Variants in PTPRF observed in about 807,000 individuals in gnomAD.
PTPRF encodes receptor-type tyrosine-protein phosphatase F.
PTPRF carries 59 observed loss-of-function variants against 201.8 expected under a neutral mutation model. The observed-to-expected ratio is 0.29, with a 90% confidence interval of 0.24 to 0.36. The LOEUF (loss-of-function observed/expected upper bound fraction) is 0.36. Ranked by LOEUF, PTPRF falls within the 10% of genes least tolerant of loss-of-function variation. The pLI, the probability that PTPRF is intolerant of heterozygous loss-of-function variation, is 1.00. For synonymous variants in PTPRF, 1,088 were observed against 1,089.7 expected (o/e 1.00, Z 0.03); for missense variants, 2,132 against 2,690.5 (o/e 0.79, Z 4.59).
In PTPRF at chr1:43,618,693, C is replaced by T; in HGVS notation, c.4435C>T (p.Leu1479=). The change falls in exon 26 of 34, where the codon CTG becomes TTG. Residue 1479 remains leucine (L), a synonymous_variant. Coordinates refer to ENST00000359947, the MANE Select transcript of PTPRF (RefSeq NM_002840.5). ...TETCGLIQVT[L]LDTVELATYT... ...GACCTGTGGCCTTATTCAGGTGACC[C>T]TGTTGGACACAGTGGAGCTGGCCAC... is the stretch of plus-strand genomic sequence containing the variant. 1.9e-6 allele frequency: 3 copies of T among 1,612,704 alleles called. No individual in the cohort carries two copies. Among genetic ancestry groups the T allele is most frequent in the Non-Finnish European group, 2.5e-6 (3 of 1,178,870 alleles).
rs1410741955 is a variant in PTPRF at position 43,591,065 on chromosome 1, C to A, written c.1043C>A (p.Thr348Asn). Residue 348 changes from threonine to asparagine, a missense_variant, in exon 9 of 34, where the codon ACC becomes AAC. Physicochemically the swap from Thr to Asn is moderately conservative, Grantham distance 65. Around this residue, in one of 6 missense-constraint regions of PTPRF, gnomAD observed 351 missense variants for 401.7 expected, o/e 0.87. Transcript: ENST00000359947. ...GACTCTGGGAACTCGGAGCCTGTAA[C>A]CTACTATGGCATCCAGTACCGCGCA... Reference protein sequence around the residue: ...TWDSGNSEPVTYYGIQYRAAG... With the variant: ...TWDSGNSEPVNYYGIQYRAAG... 5 of 1,614,024 alleles carry A rather than the reference C, an allele frequency of 3.1e-6. No homozygotes were observed. The highest frequency in any genetic ancestry group is 4.2e-6 in the Non-Finnish European group (5 of 1,180,048).
In PTPRF at chr1:43,530,923, T is replaced by TCGGCTCCGGCTCGGGCTCGGGCTC. The variant is rs1306938506; in HGVS notation, c.-280_-257dup. The TCGGCTCCGGCTCGGGCTCGGGCTC allele has an allele frequency of 2.0e-5, 3 of 152,620 alleles. No homozygotes were observed. Among genetic ancestry groups the TCGGCTCCGGCTCGGGCTCGGGCTC allele is most frequent in the Admixed American group, 6.6e-5 (1 of 15,076 alleles). The allele number at this position is 152,620 out of a possible 1,614,324, so 9.5% of individuals were successfully genotyped here. ...GGCGGCAGAGGCGGCGGCTCCAGCTTCGGCTCCGGCTCGGGCTCGGGCTCC... is the reference window on the plus strand; with the variant it reads ...GGCGGCAGAGGCGGCGGCTCCAGCTTCGGCTCCGGCTCGGGCTCGGGCTCCGGCTCCGGCTCGGGCTCGGGCTCC... On this transcript the variant is annotated 5_prime_UTR_variant, in exon 1 of 34. Transcript: ENST00000359947. The surrounding 1 kb of genome is among the most constrained non-coding windows in gnomAD (Gnocchi z 4.1).
chr1:43,560,404 A>G (rs1411052493), intron 5 of PTPRF, among the ~76,000 whole-genome samples: 3 of 150,076 alleles, frequency 2.0e-5, no homozygotes, highest in African/African-American at 7.4e-5. Flanking sequence ...ATGCATGTGC[A>G]TGTGTGTGGA....
At chr1:43,592,855 A>G (rs1651196576) in intron 11 of PTPRF, among the ~76,000 whole-genome samples, 1 of 151,156 alleles carries the variant, frequency 6.6e-6, no homozygotes, top group Non-Finnish European at 1.5e-5. Context: ...CCCATGCCCC[A>G]CACACTGCCC....
chr1:43,593,449 G>A (rs1162131795), intron 11 of PTPRF, among the ~76,000 whole-genome samples: 1 of 152,304 alleles, frequency 6.6e-6, no homozygotes, highest in East Asian at 1.9e-4. Context: ...TTGCTGCTGG[G>A]CGTCCTGTGT....
At chr1:43,578,701 C>A in intron 6 of PTPRF, 109 bp from the exon 7 acceptor site, 1 of 816,164 alleles carries the variant, frequency 1.2e-6, no homozygotes, top group Non-Finnish European at 2.0e-6. Flanking sequence ...CCTGGATGAG[C>A]TTCGACATCT....
chr1:43,553,205 G>T lies in PTPRF; in HGVS notation c.92-287G>T, dbSNP rs116220355. On this transcript the variant is annotated intron_variant, in intron 3 of 33. Transcript: ENST00000359947. This position sits in a 1 kb window ranked among gnomAD's most constrained non-coding sequence, Gnocchi z 4.1. ...TCCAGACTTGGAACACCTGGGTTCAGATCTTAGCTCTACCACTTACCAGCT... is the reference window on the plus strand; with the variant it reads ...TCCAGACTTGGAACACCTGGGTTCATATCTTAGCTCTACCACTTACCAGCT... Among the ~76,000 whole-genome samples the T allele has an allele frequency of 2.8e-3, 433 of 152,328 alleles. 4 individuals are homozygous for T. Among genetic ancestry groups the T allele is most frequent in the African/African-American group, 0.01 (423 of 41,558 alleles).
intron 3 of PTPRF, among the ~76,000 whole-genome samples, chr1:43,545,696 T>C (rs745307513): frequency 5.3e-5 from 8 of 152,116 alleles, no homozygotes; most frequent in Non-Finnish European, 8.8e-5. Context: ...TCTCCTTTCA[T>C]GGGGACCTTC....
chr1:43,566,402 C>T (rs114409457), intron 5 of PTPRF, among the ~76,000 whole-genome samples: 20 of 152,346 alleles, frequency 1.3e-4, no homozygotes, highest in African/African-American at 2.6e-4. Flanking sequence ...CTTACTGTCC[C>T]TCATACCTGG....
rs372901175 is a variant in PTPRF, at chr1:43,614,933, C to T, written c.4071+1218C>T. Among the ~76,000 whole-genome samples, 78 of 152,218 alleles carry T rather than the reference C, an allele frequency of 5.1e-4. 2 individuals are homozygous for T. The South Asian group carries it at 0.016, about 31-fold the overall frequency. On this transcript the variant is annotated intron_variant, in intron 23 of 33. Transcript: ENST00000359947. Reference sequence around the variant, plus strand: ...AGAGAGAGACCTCCTCCTCTTCCACCTCCTCCAAGCAGCAGCCTGTGCTTG... The same window carrying T: ...AGAGAGAGACCTCCTCCTCTTCCACTTCCTCCAAGCAGCAGCCTGTGCTTG...
chr1:43,575,662 C>T (rs1646874807), intron 6 of PTPRF, among the ~76,000 whole-genome samples: 1 of 152,022 alleles, frequency 6.6e-6, no homozygotes, highest in South Asian at 2.1e-4. Context: ...ACCCCCAGCC[C>T]CACTGAGCCC....
intron 6 of PTPRF, among the ~76,000 whole-genome samples, chr1:43,573,076 C>T (rs192753007): frequency 3.3e-5 from 5 of 152,254 alleles, no homozygotes; most frequent in East Asian, 1.9e-4. Flanking sequence ...TGACGGCATG[C>T]GCTGCCCAGA....
chr1:43,600,735 C>T (rs3791144), intron 13 of PTPRF, among the ~76,000 whole-genome samples: 16,562 of 150,966 alleles, frequency 0.11, 1,180 homozygotes, highest in African/African-American at 0.19. Context: ...TTTCCCCTCT[C>T]GTGGCCTGCA....
chr1:43,561,285 G>A (rs576374481), intron 5 of PTPRF, among the ~76,000 whole-genome samples: 2 of 152,292 alleles, frequency 1.3e-5, no homozygotes, highest in East Asian at 3.9e-4. Context: ...GTACATGTGT[G>A]TTTTCTCAAG....
intron 11 of PTPRF, among the ~76,000 whole-genome samples, chr1:43,592,879 G>C (rs1651203015): frequency 6.6e-6 from 1 of 152,062 alleles, no homozygotes; most frequent in South Asian, 2.1e-4. Flanking sequence ...TAAGTTCTGT[G>C]TCTGTGCCTC....
At chr1:43,570,763 C>G (rs1646510332) in intron 6 of PTPRF, among the ~76,000 whole-genome samples, 1 of 152,258 alleles carries the variant, frequency 6.6e-6, no homozygotes, top group South Asian at 2.1e-4. Context: ...CTGGCCCCAG[C>G]CACGGCCGCC....
chr1:43,534,025 G>A (rs1643867523), intron 1 of PTPRF, among the ~76,000 whole-genome samples: 2 of 152,210 alleles, frequency 1.3e-5, no homozygotes, highest in Middle Eastern at 3.4e-3. Context: ...AAGAGACGGG[G>A]GAGAGTTCGG....
chr1:43,598,433 G>A (rs899247448), intron 12 of PTPRF: 9 of 505,432 alleles, frequency 1.8e-5, no homozygotes, highest in African/African-American at 1.7e-4. Context: ...ACTAGGGGTG[G>A]TCAAAGACCT....
At chr1:43,586,777 G>T (rs530694077) in intron 7 of PTPRF, among the ~76,000 whole-genome samples, 49 of 152,342 alleles carry the variant, frequency 3.2e-4, no homozygotes, top group Non-Finnish European at 5.7e-4. Flanking sequence ...CTTTTCCTGT[G>T]TGTTGGGAGA....
Sources: gnomAD v4.1 joint callset for allele counts (sites outside exome capture counted in the v4.1 genomes callset) on GRCh38, gnomAD v4.1.1 for gene constraint, gnomAD v4.1.1 regional missense constraint, Gnocchi (gnomAD v3.1) non-coding constraint, MANE v1.5 for transcripts, NCBI Gene and HGNC (gene_info 2026-07-23, HGNC 2026-07-21) for gene names.